ALDH1A2: variants seen among roughly 807,000 people sequenced by gnomAD.
ALDH1A2 encodes the protein retinal dehydrogenase 2.
In ALDH1A2, 27 loss-of-function variants were observed where a neutral mutation model predicts 60.3. The observed-to-expected ratio is 0.45, with a 90% CI of 0.33 to 0.62. The LOEUF (loss-of-function observed/expected upper bound fraction) is 0.62, where lower values mean the gene tolerates loss of function less well. Ranked by LOEUF, ALDH1A2 falls within the 20% of genes least tolerant of loss-of-function variation. The pLI is 0.02. For missense variants in ALDH1A2, 581 were observed against 643.8 expected, an observed-to-expected ratio of 0.90 and a Z score of 1.06; for synonymous variants, 289 against 232.4, an observed-to-expected ratio of 1.24 and a Z score of -2.21.
intron 1 of ALDH1A2, among the ~76,000 whole-genome samples, chr15:58,044,957 GA>G (rs1465952003): frequency 1.3e-5 from 2 of 151,610 alleles, no homozygotes; most frequent in African/African-American, 4.8e-5. Flanking sequence ...GACTGAAAAA[GA>G]AAAGCATATC....
chr15:57,959,027 G>A (rs151237458), intron 12 of ALDH1A2, among the ~76,000 whole-genome samples: 1 of 152,268 alleles, frequency 6.6e-6, no homozygotes, highest in Non-Finnish European at 1.5e-5. Context: ...CCACCTTTCT[G>A]GGCAAGGAGA....
At chr15:58,062,212 C>T (rs1218782044) in intron 1 of ALDH1A2, among the ~76,000 whole-genome samples, 1 of 150,370 alleles carries the variant, frequency 6.7e-6, no homozygotes, top group Non-Finnish European at 1.5e-5. Context: ...ATATCAGATG[C>T]AGAAAAAAAA....
chr15:58,049,554 C>G (rs776573552), intron 1 of ALDH1A2, among the ~76,000 whole-genome samples: 4 of 152,028 alleles, frequency 2.6e-5, no homozygotes, highest in Admixed American at 6.6e-5. Context: ...TCTGAGTATT[C>G]GTTCACTTAC....
In ALDH1A2 at chr15:58,013,912, T is replaced by A; in HGVS notation, c.309A>T (p.Gly103=). The change falls in exon 3 of 13, where the codon GGA becomes GGT. Residue 103 remains glycine (G), a synonymous_variant. Coordinates refer to ENST00000249750, the MANE Select transcript of ALDH1A2 (RefSeq NM_003888.4). ...AGTCTGCAAGCTTATCCAACAGACG[T>A]CCCCTTTCTGAAGCATCCATCCTTC... The part of the protein sequence containing the change: ...VWRRMDASER[G]RLLDKLADLV... The A allele has an allele frequency of 6.2e-7, 1 of 1,614,096 alleles. No homozygotes were observed. Among genetic ancestry groups the A allele is most frequent in the South Asian group, 1.1e-5 (1 of 91,078 alleles).
At chr15:58,014,760 C>T (rs1452017102) in intron 1 of ALDH1A2, among the ~76,000 whole-genome samples, 3 of 152,222 alleles carry the variant, frequency 2.0e-5, no homozygotes, top group African/African-American at 7.2e-5. Flanking sequence ...AGGTCCTGAA[C>T]AATGACTCTA....
At chr15:58,014,036 T>A (rs1895717047) in intron 2 of ALDH1A2, 38 bp from the exon 3 acceptor site, 2 of 1,613,764 alleles carry the variant, frequency 1.2e-6, no homozygotes, top group Admixed American at 1.7e-5. Context: ...AGAAAAACAC[T>A]CCAAATAAAG....
chr15:57,980,575 G>T (rs114246442), intron 7 of ALDH1A2: 189 of 275,660 alleles, frequency 6.9e-4, no homozygotes, highest in African/African-American at 4.0e-3. Flanking sequence ...GGTCATATTT[G>T]GGCAGGAGCC....
At chr15:57,982,748 G>A (rs1894558371) in intron 7 of ALDH1A2, among the ~76,000 whole-genome samples, 2 of 152,180 alleles carry the variant, frequency 1.3e-5, no homozygotes, top group Admixed American at 6.5e-5. Flanking sequence ...AATATAATCT[G>A]AAGTGTAAAA....
chr15:58,006,665 T>A (rs371352080), intron 4 of ALDH1A2, among the ~76,000 whole-genome samples: 16 of 151,360 alleles, frequency 1.1e-4, no homozygotes, highest in Admixed American at 6.6e-4. Flanking sequence ...TCTCACCACA[T>A]CCACGCCAAC....
intron 12 of ALDH1A2, among the ~76,000 whole-genome samples, chr15:57,956,576 T>G (rs1045785153): frequency 1.3e-5 from 2 of 152,174 alleles, no homozygotes; most frequent in Non-Finnish European, 2.9e-5. Flanking sequence ...GCTGTTCTCC[T>G]GTCCGTATAG....
At chr15:58,051,338 A>T (rs562276859) in intron 1 of ALDH1A2, among the ~76,000 whole-genome samples, 3 of 150,860 alleles carry the variant, frequency 2.0e-5, no homozygotes, top group Admixed American at 6.6e-5. Context: ...ATTTTTGTAC[A>T]TCTTAAACTT....
intron 12 of ALDH1A2, 53 bp from the exon 13 acceptor site, chr15:57,955,322 G>A (rs1322758560): frequency 3.2e-6 from 5 of 1,575,934 alleles, no homozygotes; most frequent in Non-Finnish European, 4.4e-6. Flanking sequence ...GGAGCTGCAT[G>A]TGAGTGCAGC....
At chr15:58,049,550 T>C (rs547591275) in intron 1 of ALDH1A2, among the ~76,000 whole-genome samples, 6 of 152,060 alleles carry the variant, frequency 3.9e-5, no homozygotes, top group Non-Finnish European at 7.4e-5. Flanking sequence ...TCTGTCTGAG[T>C]ATTCGTTCAC....
intron 1 of ALDH1A2, among the ~76,000 whole-genome samples, chr15:58,035,265 C>A (rs1326166679): frequency 6.6e-6 from 1 of 151,604 alleles, no homozygotes; most frequent in African/African-American, 2.4e-5. Context: ...CTGTATTATT[C>A]TTCTACTGTC....
intron 1 of ALDH1A2, among the ~76,000 whole-genome samples, chr15:58,025,105 T>C (rs1178064471): frequency 2.0e-5 from 3 of 152,068 alleles, no homozygotes; most frequent in African/African-American, 7.2e-5. Context: ...ATTAATAATC[T>C]TTATCAATGT....
chr15:57,958,118 CAG>C (rs1491306548), intron 12 of ALDH1A2, among the ~76,000 whole-genome samples: 7 of 152,300 alleles, frequency 4.6e-5, no homozygotes, highest in African/African-American at 1.7e-4. Flanking sequence ...TCAACTAACT[CAG>C]AATCTCTGAG....
chr15:58,038,729 T>C (rs550860679), intron 1 of ALDH1A2: 1 of 151,736 alleles, frequency 6.6e-6, no homozygotes, highest in East Asian at 1.9e-4. Flanking sequence ...CCATCAATAT[T>C]GTGGTAGAAG....
chr15:58,007,754 T>C (rs1293939565), intron 4 of ALDH1A2, among the ~76,000 whole-genome samples: 3 of 151,196 alleles, frequency 2.0e-5, no homozygotes, highest in African/African-American at 2.4e-5. Flanking sequence ...AAAGATCTCA[T>C]GGTTAAAGAC....
At chr15:58,019,339 T>C (rs1895863417) in intron 1 of ALDH1A2, among the ~76,000 whole-genome samples, 1 of 152,240 alleles carries the variant, frequency 6.6e-6, no homozygotes, top group African/African-American at 2.4e-5. Context: ...GGCCCAATGA[T>C]GCCAAATCAT....
Sources: allele counts gnomAD v4.1 joint callset (sites outside exome capture counted in the v4.1 genomes callset), GRCh38; gene constraint gnomAD v4.1.1; transcripts MANE v1.5; gene names NCBI Gene and HGNC (gene_info 2026-07-23, HGNC 2026-07-21).